The following RASGRP4 variants were observed in gnomAD, a reference collection of about 807,000 sequenced individuals.
RASGRP4 encodes RAS guanyl releasing protein 4, also known as RAS guanyl-releasing protein 4.
Under a neutral mutation model 84.4 loss-of-function variants are expected in RASGRP4, and 52 were observed. The observed-to-expected ratio is 0.62, with a 90% CI of 0.49 to 0.78. The LOEUF is 0.78. Among genes scored for constraint, RASGRP4 ranks in the 30% least tolerant of loss-of-function variants. RASGRP4 has a pLI of 0.00. For synonymous variants in RASGRP4, 356 were observed against 359.1 expected (o/e 0.99, Z 0.10); for missense variants, 760 against 886.9 (o/e 0.86, Z 1.82).
chr19:38,411,648 C>T (rs1486145032), intron 13 of RASGRP4: 2 of 440,624 alleles, frequency 4.5e-6, no homozygotes, highest in South Asian at 3.8e-5. Flanking sequence ...GAACCATGAT[C>T]GTACCACGGC....
At chr19:38,420,777 T>A in intron 4 of RASGRP4, 131 bp downstream of exon 4, 2 of 824,716 alleles carry the variant, frequency 2.4e-6, no homozygotes, top group Non-Finnish European at 4.0e-6. Flanking sequence ...GTCTCAGAAG[T>A]GGGATTTTGG....
chr19:38,412,724 A>T lies in RASGRP4; in HGVS notation c.1628T>A (p.Phe543Tyr), dbSNP rs1285186182. ...SKLGLAFLHTFHEVTFRKPTF... is the reference protein window; with the variant it reads ...SKLGLAFLHTYHEVTFRKPTF... Reference sequence around the variant, plus strand: ...AGGCTTTCGGAAGGTGACCTCATGGAAGGTGTGCAGGAAGGCCAGGCCCAA... The same window carrying T: ...AGGCTTTCGGAAGGTGACCTCATGGTAGGTGTGCAGGAAGGCCAGGCCCAA... Residue 543 changes from phenylalanine (F) to tyrosine (Y), a missense_variant, in exon 13 of 17, where the codon TTC (phenylalanine) becomes TAC (tyrosine). Coordinates refer to ENST00000615439, the MANE Select transcript of RASGRP4 (RefSeq NM_170604.3). This position sits in a 1 kb window ranked among gnomAD's most constrained non-coding sequence, Gnocchi z 4.6. 1 of 1,612,836 alleles carries T rather than the reference A, an allele frequency of 6.2e-7. No homozygotes were observed.
chr19:38,414,290 A>G (rs1410222397), intron 9 of RASGRP4, among the ~76,000 whole-genome samples: 1 of 151,436 alleles, frequency 6.6e-6, no homozygotes, highest in Non-Finnish European at 1.5e-5. Context: ...CACCCTCTGA[A>G]GTGGGTCCTT....
rs762004940 is a variant in RASGRP4, at chr19:38,420,931, C to T, written c.354G>A (p.Arg118=). ...ACCTGACCAGGTGACAGATCTGCAG[C>T]CGTCTCAGCTCCTGGGTGTCCCCTG... ...KATGDTQELR[R]LQICHLVRYW... Residue 118 remains arginine (R), a synonymous_variant, in exon 4 of 17, where the codon CGG becomes CGA. Transcript: ENST00000615439. 1 of 1,613,870 alleles carries T rather than the reference C, an allele frequency of 6.2e-7. No individual in the cohort carries two copies. Among genetic ancestry groups the T allele is most frequent in the Admixed American group, 1.7e-5 (1 of 60,018 alleles).
In RASGRP4 at chr19:38,413,222, G is replaced by A. The variant is rs772303176; in HGVS notation, c.1387C>T (p.Leu463=). 4 of 1,613,710 alleles carry A rather than the reference G, an allele frequency of 2.5e-6. No individual in the cohort carries two copies. Among genetic ancestry groups the A allele is most frequent in the Admixed American group, 3.3e-5 (2 of 60,014 alleles). The part of the protein sequence containing the change: ...GVTPKPDRVT[L]GRHVEQLVES... The stretch of plus-strand genomic sequence containing the variant: ...ACCAGCTGCTCCACATGCCGACCCA[G>A]TGTGACCCTGTCCGGCTTGGGTGTC... Residue 463 remains leucine (L), a synonymous_variant, in exon 11 of 17, where the codon CTG becomes TTG. Coordinates refer to ENST00000615439, the MANE Select transcript of RASGRP4 (RefSeq NM_170604.3). The surrounding 1 kb of genome is among the most constrained non-coding windows in gnomAD (Gnocchi z 4.7).
chr19:38,410,521 T>C (rs980045377), intron 16 of RASGRP4, among the ~76,000 whole-genome samples: 1 of 151,696 alleles, frequency 6.6e-6, no homozygotes, highest in African/African-American at 2.4e-5. Flanking sequence ...CAAGTGATTC[T>C]CCTGCCTCAG....
chr19:38,410,309 T>C (rs766617529), intron 16 of RASGRP4, among the ~76,000 whole-genome samples: 18 of 152,168 alleles, frequency 1.2e-4, no homozygotes, highest in Non-Finnish European at 2.2e-4. Context: ...GCTCCTGATA[T>C]ATTTGGCCTT....
chr19:38,422,903 C>T (rs1448051640), intron 1 of RASGRP4, among the ~76,000 whole-genome samples: 3 of 152,042 alleles, frequency 2.0e-5, no homozygotes, highest in Admixed American at 6.5e-5. Context: ...TGGGGACCGC[C>T]GCTCAGGACT....
Position 38,413,124 on chromosome 19 carries a change from C to T in RASGRP4, c.1416+69G>A, listed in dbSNP as rs945748458. 10 of 1,579,708 alleles carry T rather than the reference C, an allele frequency of 6.3e-6. No individual in the cohort carries two copies. Among genetic ancestry groups the T allele is most frequent in the African/African-American group, 1.3e-5 (1 of 74,324 alleles). On this transcript the variant is annotated intron_variant, in intron 11 of 16. Transcript: ENST00000615439. The surrounding 1 kb of genome is among the most constrained non-coding windows in gnomAD (Gnocchi z 4.7). Reference sequence around the variant, plus strand: ...TCCCCATGGCCATAAGTCCCCACCTCCAGGCTCAGGGTTCTACAGATGTCT... The same window carrying T: ...TCCCCATGGCCATAAGTCCCCACCTTCAGGCTCAGGGTTCTACAGATGTCT...
chr19:38,410,708 C>T (rs1300298761), intron 16 of RASGRP4, among the ~76,000 whole-genome samples, 178 bp downstream of exon 16: 6 of 152,168 alleles, frequency 3.9e-5, no homozygotes, highest in Admixed American at 3.9e-4. Context: ...GCCACCACAC[C>T]CAGCCTATTT....
At chr19:38,425,195 AC>A (rs1175490524) in intron 1 of RASGRP4, among the ~76,000 whole-genome samples, 4 of 148,770 alleles carry the variant, frequency 2.7e-5, no homozygotes, top group East Asian at 2.0e-4. Flanking sequence ...AAAAAAAAAA[AC>A]AAAAAAAAAA....
At chr19:38,421,803 T>C (rs1213667414) in intron 2 of RASGRP4, among the ~76,000 whole-genome samples, 166 bp downstream of exon 2, 1 of 151,030 alleles carries the variant, frequency 6.6e-6, no homozygotes, top group Non-Finnish European at 1.5e-5. Context: ...TATATTTCCA[T>C]TTCAGGAAAG....
chr19:38,413,420 G>T lies in RASGRP4; in HGVS notation c.1285C>A (p.Arg429=). 6.2e-7 allele frequency: 1 copy of T among 1,607,868 alleles called. No homozygotes were observed. The change falls in exon 10 of 17, where the codon CGG becomes AGG. Residue 429 remains arginine (R), a synonymous_variant. Transcript: ENST00000615439. The surrounding 1 kb of genome is among the most constrained non-coding windows in gnomAD (Gnocchi z 4.7). ...AGGCTCTTGGGACAACGCGGCTCCC[G>T]GGCATAAGAAAGCTCATAGATCTCG... ...EDEIYELSYA[R]EPRCPKSLPP...
chr19:38,409,757 G>A lies in RASGRP4; in HGVS notation c.*283C>T, dbSNP rs575972978. On this transcript the variant is annotated 3_prime_UTR_variant, in exon 17 of 17. Coordinates refer to ENST00000615439, the MANE Select transcript of RASGRP4 (RefSeq NM_170604.3). ...TGTCTCAAAAAAAAAAAGAAATGGA[G>A]ATGTAGGGAGTTGGTAGAATGAGGC... 68 of 259,928 alleles carry A rather than the reference G, an allele frequency of 2.6e-4. No homozygotes were observed. Among genetic ancestry groups the A allele is most frequent in the South Asian group, 1.6e-3 (15 of 9,258 alleles). 16.1% of individuals were successfully genotyped at this position (259,928 alleles called of 1,614,324 possible). A position where few individuals can be genotyped will look rare whatever the true frequency, so the allele number is the denominator to read the frequency against.
chr19:38,418,016 G>A lies in RASGRP4; in HGVS notation c.837+375C>T, dbSNP rs571601994. Among the ~76,000 whole-genome samples the A allele has an allele frequency of 2.0e-5, 3 of 151,316 alleles. No homozygotes were observed. The South Asian group carries it at 6.3e-4, about 32-fold the overall frequency. On this transcript the variant is annotated intron_variant, in intron 7 of 16. Transcript: ENST00000615439. This position sits in a 1 kb window ranked among gnomAD's most constrained non-coding sequence, Gnocchi z 4.6. The stretch of plus-strand genomic sequence containing the variant: ...GGAGAGCCCGGACGCAATGGGGAGC[G>A]ATGCACAATCCCGAAGCGACCGCTG...
At position 38,413,168 on chromosome 19, in the gene RASGRP4, G is replaced by A. The variant is rs767527920; in HGVS notation, c.1416+25C>T. On this transcript the variant is annotated intron_variant, in intron 11 of 16. Transcript: ENST00000615439. The surrounding 1 kb of genome is among the most constrained non-coding windows in gnomAD (Gnocchi z 4.7). ...GATGTCTTCCCTCCTGGCTGCTGGC[G>A]GCCGGGCCACCCTCCCCTCCTTACC... 28 of 1,600,510 alleles carry A rather than the reference G, an allele frequency of 1.7e-5. No homozygotes were observed. Among genetic ancestry groups the A allele is most frequent in the East Asian group, 6.7e-5 (3 of 44,752 alleles).
rs150118222 is a variant in RASGRP4 at position 38,423,961 on chromosome 19, G to C, written c.24-1808C>G. On this transcript the variant is annotated intron_variant, in intron 1 of 16. Coordinates refer to ENST00000615439, the MANE Select transcript of RASGRP4 (RefSeq NM_170604.3). ...GGAGAGACAAGGATGGTGGGAGCAGGGAGGCTGCTGAATCCAAGCTTCAGA... is the reference window on the plus strand; with the variant it reads ...GGAGAGACAAGGATGGTGGGAGCAGCGAGGCTGCTGAATCCAAGCTTCAGA... Among the ~76,000 whole-genome samples the C allele has an allele frequency of 7.1e-3, 1,083 of 152,192 alleles. 19 individuals are homozygous for C. Among genetic ancestry groups the C allele is most frequent in the African/African-American group, 0.025 (1,052 of 41,534 alleles).
intron 1 of RASGRP4, among the ~76,000 whole-genome samples, chr19:38,425,524 A>C (rs1971955028): frequency 6.6e-6 from 1 of 152,146 alleles, no homozygotes; most frequent in Non-Finnish European, 1.5e-5. Context: ...TACCCAGGCT[A>C]GGGAGCCACC....
chr19:38,412,823 G>C lies in RASGRP4; in HGVS notation c.1536-7C>G. 1 of 1,608,810 alleles carries C rather than the reference G, an allele frequency of 6.2e-7. No homozygotes were observed. The highest frequency in any genetic ancestry group is 8.5e-7 in the Non-Finnish European group (1 of 1,177,322). ...TCTGCTGAAGGATCCTCTCCTGGGG[G>C]CAGAAACTGAGCCTCAGCATGACCT... is the stretch of plus-strand genomic sequence containing the variant. On this transcript the variant is annotated splice_polypyrimidine_tract_variant and splice_region_variant and intron_variant, in intron 12 of 16. Transcript: ENST00000615439. This position sits in a 1 kb window ranked among gnomAD's most constrained non-coding sequence, Gnocchi z 4.6.
Sources: gnomAD v4.1 joint callset for allele counts (sites outside exome capture counted in the v4.1 genomes callset) on GRCh38, gnomAD v4.1.1 for gene constraint, Gnocchi (gnomAD v3.1) non-coding constraint, MANE v1.5 for transcripts, NCBI Gene and HGNC (gene_info 2026-07-23, HGNC 2026-07-21) for gene names.